LINGO1: variants seen among roughly 807,000 people sequenced by gnomAD.
LINGO1 encodes leucine-rich repeat and immunoglobulin-like domain-containing nogo receptor-interacting protein 1.
In LINGO1, 11 loss-of-function variants were observed where a neutral mutation model predicts 37.3. That is an observed-to-expected ratio of 0.29 (90% CI 0.19 to 0.49). The LOEUF (loss-of-function observed/expected upper bound fraction) is 0.49. Among genes scored for constraint, LINGO1 ranks in the 20% least tolerant of loss-of-function variants. The pLI is 0.99. For missense variants in LINGO1, 585 were observed against 878.2 expected, an observed-to-expected ratio of 0.67 and a Z score of 4.22; for synonymous variants, 387 against 403.0, an observed-to-expected ratio of 0.96 and a Z score of 0.48.
At chr15:77,776,728 A>C (rs1163531947) in intron 1 of LINGO1, among the ~76,000 whole-genome samples, 2 of 152,214 alleles carry the variant, frequency 1.3e-5, no homozygotes, top group African/African-American at 4.8e-5. Context: ...ATTTGAAACC[A>C]GATCTTTGGA....
chr15:77,635,735 GAAATGACATTA>G (rs1388990524), upstream of LINGO1, among the ~76,000 whole-genome samples: 41 of 145,750 alleles, frequency 2.8e-4, no homozygotes, highest in African/African-American at 1.2e-3. Context: ...TCCCCAGACT[GAAATGACATTA>G]GAGGCAAGGC....
intron 2 of LINGO1, among the ~76,000 whole-genome samples, chr15:77,709,251 T>C (rs2075889707): frequency 6.6e-6 from 1 of 152,196 alleles, no homozygotes; most frequent in South Asian, 2.1e-4. Flanking sequence ...GGCCTTAAAA[T>C]GGGGTGAGCC....
upstream of LINGO1, among the ~76,000 whole-genome samples, chr15:77,633,565 T>C (rs1042804673): frequency 2.6e-5 from 4 of 152,126 alleles, no homozygotes; most frequent in African/African-American, 9.7e-5. Context: ...GCCCGGCAGC[T>C]CTACCCAGGA....
chr15:77,703,508 T>G (rs764749219), intron 2 of LINGO1, among the ~76,000 whole-genome samples: 1 of 152,152 alleles, frequency 6.6e-6, no homozygotes, highest in Non-Finnish European at 1.5e-5. Context: ...CTGAACCTCA[T>G]CTGCAACATA....
chr15:77,707,590 G>A (rs1297640800), intron 2 of LINGO1: 1 of 152,398 alleles, frequency 6.6e-6, no homozygotes, highest in East Asian at 1.9e-4. Flanking sequence ...CTGGTCCCAG[G>A]AAGGGCTACG....
upstream of LINGO1, among the ~76,000 whole-genome samples, chr15:77,698,538 G>C (rs1034282348): frequency 6.6e-6 from 1 of 152,198 alleles, no homozygotes; most frequent in Non-Finnish European, 1.5e-5. Flanking sequence ...GGCAGGAGCT[G>C]TGGAAAGGGA....
chr15:77,780,050 A>G (rs1345063317), intron 1 of LINGO1, among the ~76,000 whole-genome samples: 1 of 152,208 alleles, frequency 6.6e-6, no homozygotes, highest in Admixed American at 6.5e-5. Flanking sequence ...GGGGCTGGGG[A>G]CAGCCATGCT....
At position 77,614,693 on chromosome 15, in the gene LINGO1, T is replaced by C; in HGVS notation, c.1214A>G (p.Lys405Arg). 1 of 1,611,416 alleles carries C rather than the reference T, an allele frequency of 6.2e-7. No individual in the cohort carries two copies. Among genetic ancestry groups the C allele is most frequent in the South Asian group, 1.1e-5 (1 of 90,600 alleles). The change falls in exon 2 of 2, where the codon AAG becomes AGG. Residue 405 changes from lysine (K) to arginine (R), a missense_variant. Coordinates refer to ENST00000355300, the MANE Select transcript of LINGO1 (RefSeq NM_032808.7). ...TCATPEFVQG[K>R]EFKDFPDVLL... ...CACATCAGGGAAGTCCTTGAACTCC[T>C]TGCCCTGGACAAACTCGGGCGTGGC... is the stretch of plus-strand genomic sequence containing the variant.
intron 3 of LINGO1, among the ~76,000 whole-genome samples, chr15:77,645,844 G>A (rs2074613825): frequency 6.6e-6 from 1 of 152,262 alleles, no homozygotes; most frequent in Non-Finnish European, 1.5e-5. Flanking sequence ...GTGGGCATTA[G>A]CTAGCCTCAC....
chr15:77,716,280 C>CT (rs5813879), intron 2 of LINGO1, among the ~76,000 whole-genome samples: 20,780 of 119,176 alleles, frequency 0.17, 2,820 homozygotes, highest in East Asian at 0.33. Context: ...TCTTCTTCTT[C>CT]TTTTTTTTTT....
intron 2 of LINGO1, among the ~76,000 whole-genome samples, chr15:77,706,681 C>T (rs2075856554): frequency 6.6e-6 from 1 of 152,244 alleles, no homozygotes; most frequent in South Asian, 2.1e-4. Context: ...GAGAAGCCCT[C>T]CCAGACTGCC....
At chr15:77,699,125 C>T (rs1220933339), upstream of LINGO1, among the ~76,000 whole-genome samples, 1 of 152,098 alleles carries the variant, frequency 6.6e-6, no homozygotes. Context: ...TCTCCATTTC[C>T]CCCAAGTCCA....
rs577492420 is a variant in LINGO1, at chr15:77,776,627, T to C, written c.-257+10242A>G. Among the ~76,000 whole-genome samples the C allele has an allele frequency of 3.3e-5, 5 of 151,824 alleles. No individual in the cohort carries two copies. The East Asian group carries it at 9.7e-4, about 30-fold the overall frequency. On this transcript the variant is annotated intron_variant, in intron 1 of 3. Coordinates refer to the LINGO1 transcript ENST00000561686. ...CAGGCCCTTTGCATATCAGCCACCA[T>C]GTCCTCCATGGCTGTGCAGGAGGCT...
intron 2 of LINGO1, among the ~76,000 whole-genome samples, chr15:77,713,478 T>C (rs2075945925): frequency 6.6e-6 from 1 of 151,552 alleles, no homozygotes; most frequent in African/African-American, 2.4e-5. Context: ...GAGGACAAAT[T>C]AGTAGCAGCC....
rs2074304034 is a variant in LINGO1, at chr15:77,632,814, C to T, written c.-499G>A. Among the ~76,000 whole-genome samples, 1 of 147,754 alleles carries T rather than the reference C, an allele frequency of 6.8e-6. No homozygotes were observed. The highest frequency in any genetic ancestry group is 2.1e-4 in the South Asian group (1 of 4,814). ...CGGGGCCGGGACCAGGACCCACCGC[C>T]GCCGCCGCCGCCTGCGCTGTCGCCC... is the stretch of plus-strand genomic sequence containing the variant. On this transcript the variant is annotated 5_prime_UTR_variant, in exon 1 of 2. Coordinates refer to ENST00000355300, the MANE Select transcript of LINGO1 (RefSeq NM_032808.7). This position sits in a 1 kb window ranked among gnomAD's most constrained non-coding sequence, Gnocchi z 6.0.
rs1030503855 is a variant in LINGO1 at position 77,723,395 on chromosome 15, T to C, written c.-195+11597A>G. Among the ~76,000 whole-genome samples the C allele has an allele frequency of 3.9e-5, 6 of 152,148 alleles. No individual in the cohort carries two copies. In the South Asian group the frequency reaches 1.2e-3, roughly 32 times the overall value. On this transcript the variant is annotated intron_variant, in intron 2 of 3. Transcript: ENST00000561686. ...CAAGAAGCTCCTAGAGGAAGAGTCA[T>C]TTCTGTGGCCAGGATGAAGGCGGTG...
intron 1 of LINGO1, among the ~76,000 whole-genome samples, chr15:77,775,969 G>T (rs1175709493): frequency 6.6e-6 from 1 of 152,064 alleles, no homozygotes; most frequent in Non-Finnish European, 1.5e-5. Flanking sequence ...CCCCAGGCCT[G>T]GTGAGTTACA....
chr15:77,710,441 G>A (rs577718164), intron 2 of LINGO1, among the ~76,000 whole-genome samples: 34 of 152,330 alleles, frequency 2.2e-4, no homozygotes, highest in Middle Eastern at 3.4e-3. Context: ...ATTAAGAACC[G>A]CTTTGAACAT....
At position 77,632,117 on chromosome 15, in the gene LINGO1, G is replaced by A. The variant is rs1197622139; in HGVS notation, c.6+193C>T. Among the ~76,000 whole-genome samples, 1 of 152,230 alleles carries A rather than the reference G, an allele frequency of 6.6e-6. No individual in the cohort carries two copies. Among genetic ancestry groups the A allele is most frequent in the East Asian group, 1.9e-4 (1 of 5,186 alleles). On this transcript the variant is annotated intron_variant, in intron 1 of 1. Transcript: ENST00000355300. The surrounding 1 kb of genome is among the most constrained non-coding windows in gnomAD (Gnocchi z 6.0). ...CCGGAATTTGTTGGGGTTGGAGAGAGGGGAGGTGGAAAAGGAAGAATTTTC... is the reference window on the plus strand; with the variant it reads ...CCGGAATTTGTTGGGGTTGGAGAGAAGGGAGGTGGAAAAGGAAGAATTTTC...
Sources: gnomAD v4.1 joint callset for allele counts (sites outside exome capture counted in the v4.1 genomes callset) on GRCh38, gnomAD v4.1.1 for gene constraint, Gnocchi (gnomAD v3.1) non-coding constraint, MANE v1.5 for transcripts, NCBI Gene and HGNC (gene_info 2026-07-23, HGNC 2026-07-21) for gene names.